Variants in MOCS2 observed in about 807,000 individuals in gnomAD.
MOCS2 encodes the protein molybdopterin synthase catalytic subunit.
In MOCS2, 13 loss-of-function variants were observed where a neutral mutation model predicts 21.9. The ratio of observed to expected loss-of-function variants is 0.59; its 90% CI spans 0.39 to 0.94. The LOEUF is 0.94. Among genes scored for constraint, MOCS2 ranks in the 40% least tolerant of loss-of-function variants. MOCS2 has a pLI of 0.00. For missense variants in MOCS2, 227 were observed against 218.3 expected, an observed-to-expected ratio of 1.04 and a Z score of -0.25; for synonymous variants, 92 against 80.8, an observed-to-expected ratio of 1.14 and a Z score of -0.74.
rs1271155840 is a variant in MOCS2 at position 53,101,348 on chromosome 5, G to A, written c.377+11C>T. 2 of 1,613,162 alleles carry A rather than the reference G, an allele frequency of 1.2e-6. No individual in the cohort carries two copies. Among genetic ancestry groups the A allele is most frequent in the East Asian group, 2.2e-5 (1 of 44,828 alleles). ...TACACTTAACTTTTAGAGTGATAAA[G>A]GAAATCATACCCAAGTCTATGGAAC... On this transcript the variant is annotated intron_variant, in intron 5 of 6. Coordinates refer to ENST00000396954, the MANE Select transcript of MOCS2 (RefSeq NM_004531.5).
At chr5:53,104,425 C>G (rs952732179) in intron 3 of MOCS2, among the ~76,000 whole-genome samples, 1 of 152,148 alleles carries the variant, frequency 6.6e-6, no homozygotes, top group Admixed American at 6.5e-5. Context: ...TCTTCGTAAC[C>G]TTTTCAAAGA....
chr5:53,100,717 A>G, intron 5 of MOCS2, 183 bp from the exon 6 acceptor site: 1 of 617,386 alleles, frequency 1.6e-6, no homozygotes, highest in Non-Finnish European at 2.8e-6. Context: ...CAGAGGCAGT[A>G]GATGAGGCTG....
In MOCS2 at chr5:53,096,669, A is replaced by G. The variant is rs1331236363; in HGVS notation, c.*1933T>C. ...TCTAAGTCAAGTGCAATGCACTAAAATCTTTCAAGGCCATTCCATCCCAGT... is the reference window on the plus strand; with the variant it reads ...TCTAAGTCAAGTGCAATGCACTAAAGTCTTTCAAGGCCATTCCATCCCAGT... On this transcript the variant is annotated 3_prime_UTR_variant, in exon 7 of 7. Transcript: ENST00000396954. The G allele has an allele frequency of 6.6e-6, 1 of 152,212 alleles. No homozygotes were observed. Among genetic ancestry groups the G allele is most frequent in the East Asian group, 1.9e-4 (1 of 5,196 alleles). The allele number at this position is 152,212 out of a possible 1,614,324, so 9.4% of individuals were successfully genotyped here.
At chr5:53,100,991 C>G (rs1579932375) in intron 5 of MOCS2, 1 of 333,270 alleles carries the variant, frequency 3.0e-6, no homozygotes, top group East Asian at 7.0e-5. Context: ...GATACAGTCT[C>G]AATTACTGGC....
intron 6 of MOCS2, among the ~76,000 whole-genome samples, chr5:53,099,990 A>AT (rs1159505513): frequency 6.6e-6 from 1 of 151,060 alleles, no homozygotes; most frequent in Non-Finnish European, 1.5e-5. Flanking sequence ...AGAGGGAGCA[A>AT]TATCTCACCA....
chr5:53,107,398 T>C lies in MOCS2; in HGVS notation c.-47-177A>G, dbSNP rs1003264078. 28 of 609,664 alleles carry C rather than the reference T, an allele frequency of 4.6e-5. 1 individual carries two copies. Among genetic ancestry groups the C allele is most frequent in the African/African-American group, 4.3e-4 (23 of 54,070 alleles). 37.8% of individuals were successfully genotyped at this position (609,664 alleles called of 1,614,324 possible). ...ACATATCCACTGAAGAACATACTTA[T>C]ACACCACAAAGATACGTTAAACTGC... On this transcript the variant is annotated intron_variant, in intron 2 of 6. Transcript: ENST00000396954.
chr5:53,102,897 G>C (rs1740952573), intron 3 of MOCS2, among the ~76,000 whole-genome samples: 1 of 148,852 alleles, frequency 6.7e-6, no homozygotes, highest in Non-Finnish European at 1.5e-5. Context: ...GCAGTGAGCT[G>C]AAACTGATCA....
At chr5:53,101,178 T>C in intron 5 of MOCS2, 181 bp downstream of exon 5, 1 of 682,638 alleles carries the variant, frequency 1.5e-6, no homozygotes, top group South Asian at 1.8e-5. Context: ...TCTCCCAATA[T>C]CAAAACTCAC....
rs1015270358 is a variant in MOCS2, at chr5:53,109,507, T to A, written c.-426A>T. ...GAGTTCTCGGAGAGGACCCGACTTC[T>A]GCTGGGGCAGTCGCAGTAAAGCCCG... is the stretch of plus-strand genomic sequence containing the variant. On this transcript the variant is annotated 5_prime_UTR_variant, in exon 1 of 7. Coordinates refer to ENST00000396954, the MANE Select transcript of MOCS2 (RefSeq NM_004531.5). 1.5e-6 allele frequency: 2 copies of A among 1,350,044 alleles called. No individual in the cohort carries two copies. Among genetic ancestry groups the A allele is most frequent in the African/African-American group, 3.2e-5 (2 of 62,256 alleles). The allele number at this position is 1,350,044 out of a possible 1,614,324, so 83.6% of individuals were successfully genotyped here.
chr5:53,106,176 C>T (rs1343666855), intron 3 of MOCS2, among the ~76,000 whole-genome samples: 1 of 152,154 alleles, frequency 6.6e-6, no homozygotes, highest in Non-Finnish European at 1.5e-5. Flanking sequence ...AAATACCACT[C>T]AACCCAGCAA....
rs752822413 is a variant in MOCS2, at chr5:53,101,523, A to AAAAAAG, written c.227-20_227-15dup. ...TTCTTGTAGTCCCTTTAAAAATGAA[A>AAAAAAG]AAAAAGAAAAAGAAAACAATTAAAA... is the stretch of plus-strand genomic sequence containing the variant. On this transcript the variant is annotated splice_polypyrimidine_tract_variant and intron_variant, in intron 4 of 6. Transcript: ENST00000396954. 1 of 1,554,268 alleles carries AAAAAAG rather than the reference A, an allele frequency of 6.4e-7. No homozygotes were observed.
rs949997693 is a variant in MOCS2 at position 53,098,344 on chromosome 5, G to A, written c.*258C>T. On this transcript the variant is annotated 3_prime_UTR_variant, in exon 7 of 7. Coordinates refer to ENST00000396954, the MANE Select transcript of MOCS2 (RefSeq NM_004531.5). ...TTAGAAATTAGTCATGGAAGGACAT[G>A]TCTACCACAGATATCTTTCCTCACA... The A allele has an allele frequency of 2.0e-6, 1 of 511,460 alleles. No homozygotes were observed. Among genetic ancestry groups the A allele is most frequent in the Admixed American group, 3.3e-5 (1 of 30,748 alleles). 31.7% of individuals were successfully genotyped at this position (511,460 alleles called of 1,614,324 possible).
At position 53,102,195 on chromosome 5, in the gene MOCS2, G is replaced by T. The variant is rs371126072; in HGVS notation, c.128C>A (p.Ser43Tyr). ...GGCAGTAAAGTTTATAACATCTTTA[G>T]ATTTCTCTTCAACTTCATCCATATC... ...RKDMDEVEEKSKDVINFTAEK... is the reference protein window; with the variant it reads ...RKDMDEVEEKYKDVINFTAEK... Residue 43 changes from serine to tyrosine, a missense_variant, in exon 4 of 7, where the codon TCT (serine) becomes TAT (tyrosine). By Grantham distance (144) the Ser-to-Tyr change is moderately radical. Transcript: ENST00000396954. The T allele has an allele frequency of 1.1e-5, 18 of 1,611,898 alleles. No individual in the cohort carries two copies. The highest frequency in any genetic ancestry group is 1.5e-5 in the Non-Finnish European group (18 of 1,178,424).
Position 53,098,855 on chromosome 5 carries a change from T to A in MOCS2, c.502-188A>T, listed in dbSNP as rs200414467. 538 of 431,256 alleles carry A rather than the reference T, an allele frequency of 1.2e-3. 5 individuals are homozygous for A. The highest frequency in any genetic ancestry group is 0.01 in the South Asian group (367 of 35,594). 26.7% of individuals were successfully genotyped at this position (431,256 alleles called of 1,614,324 possible). ...GACAGAAAGTCTTTAGTTTTAAACA[T>A]TTTTTTTTCTTTCCAAACATACCTA... On this transcript the variant is annotated intron_variant, in intron 6 of 6. Transcript: ENST00000396954.
chr5:53,109,325 G>T lies in MOCS2; in HGVS notation c.-244C>A, dbSNP rs1283007207. On this transcript the variant is annotated 5_prime_UTR_variant, in exon 1 of 7. It adds an upstream start codon to the 5' untranslated region. Transcript: ENST00000396954. Reference sequence around the variant, plus strand: ...ATGATCAAGGGTGTAGAAATCCACAGATGAAGCACAGTTCTTCACAAGAAT... The same window carrying T: ...ATGATCAAGGGTGTAGAAATCCACATATGAAGCACAGTTCTTCACAAGAAT... 9.4e-7 allele frequency: 1 copy of T among 1,063,942 alleles called. No homozygotes were observed. The highest frequency in any genetic ancestry group is 1.7e-5 in the African/African-American group (1 of 60,078). The allele number at this position is 1,063,942 out of a possible 1,614,324, so 65.9% of individuals were successfully genotyped here. A position where few individuals can be genotyped will look rare whatever the true frequency, so the allele number is the denominator to read the frequency against.
At chr5:53,108,717 A>G (rs1010716666) in intron 1 of MOCS2, 74 bp from the exon 2 acceptor site, 1 of 1,480,912 alleles carries the variant, frequency 6.8e-7, no homozygotes, top group Non-Finnish European at 9.1e-7. Context: ...CAGTTTTCTC[A>G]TTTTCCAAAT....
intron 3 of MOCS2, among the ~76,000 whole-genome samples, chr5:53,105,799 G>A (rs971733954): frequency 6.6e-6 from 1 of 152,130 alleles, no homozygotes; most frequent in Non-Finnish European, 1.5e-5. Context: ...ACAACCTACC[G>A]AATGGGAGAA....
chr5:53,102,808 G>T (rs1034783407), intron 3 of MOCS2, among the ~76,000 whole-genome samples: 1 of 151,926 alleles, frequency 6.6e-6, no homozygotes, highest in African/African-American at 2.4e-5. Flanking sequence ...TTAGCCAGGC[G>T]GTAGTGGCAC....
Position 53,095,767 on chromosome 5 carries a change from A to C in MOCS2, c.*2835T>G, listed in dbSNP as rs1740711347. ...TACAGGTTAGGAAGACCTGTATTAA[A>C]GCAATCATTTATATCCCATAGTTAA... On this transcript the variant is annotated 3_prime_UTR_variant, in exon 7 of 7. Transcript: ENST00000396954. 6.6e-6 allele frequency: 1 copy of C among 152,202 alleles called. No homozygotes were observed. Among genetic ancestry groups the C allele is most frequent in the Non-Finnish European group, 1.5e-5 (1 of 68,032 alleles). 9.4% of individuals were successfully genotyped at this position (152,202 alleles called of 1,614,324 possible). A position where few individuals can be genotyped will look rare whatever the true frequency, so the allele number is the denominator to read the frequency against.
Sources: allele counts gnomAD v4.1 joint callset (sites outside exome capture counted in the v4.1 genomes callset), GRCh38; gene constraint gnomAD v4.1.1; transcripts MANE v1.5; gene names NCBI Gene and HGNC (gene_info 2026-07-23, HGNC 2026-07-21).